DPP6: variants seen among roughly 807,000 people sequenced by gnomAD.
DPP6 encodes the protein dipeptidyl peptidase like 6, also known as A-type potassium channel modulatory protein DPP6.
Under a neutral mutation model 122.6 loss-of-function variants are expected in DPP6, and 69 were observed. The observed-to-expected ratio is 0.56, with a 90% confidence interval of 0.46 to 0.69. The LOEUF (loss-of-function observed/expected upper bound fraction) is 0.69, where lower values mean the gene tolerates loss of function less well. Among genes scored for constraint, DPP6 ranks in the 30% least tolerant of loss-of-function variants. DPP6 has a pLI of 0.00. For missense variants in DPP6, 928 were observed against 1,116.9 expected, an observed-to-expected ratio of 0.83 and a Z score of 2.41; for synonymous variants, 418 against 433.1, an observed-to-expected ratio of 0.97 and a Z score of 0.43.
intron 21 of DPP6, among the ~76,000 whole-genome samples, chr7:154,883,368 A>G (rs1352772530): frequency 4.8e-5 from 7 of 146,476 alleles, no homozygotes; most frequent in Non-Finnish European, 3.0e-5. Flanking sequence ...ATGCTCACAC[A>G]CACGATTACA....
intron 1 of DPP6, among the ~76,000 whole-genome samples, chr7:154,364,673 A>G (rs185611867): frequency 2.7e-4 from 41 of 152,354 alleles, no homozygotes; most frequent in African/African-American, 9.9e-4. Flanking sequence ...GGACAAATGT[A>G]CTAGGATTTG....
At chr7:154,215,586 G>T (rs1799953406) in intron 1 of DPP6, among the ~76,000 whole-genome samples, 1 of 152,168 alleles carries the variant, frequency 6.6e-6, no homozygotes, top group Non-Finnish European at 1.5e-5. Context: ...TCTCCCAGTA[G>T]ATTGATAATG....
intron 1 of DPP6, among the ~76,000 whole-genome samples, chr7:154,183,478 C>G (rs1401593377): frequency 2.6e-5 from 4 of 152,210 alleles, no homozygotes; most frequent in Non-Finnish European, 5.9e-5. Context: ...TCCCTCCTGT[C>G]AAATTCCTGT....
intron 25 of DPP6, among the ~76,000 whole-genome samples, chr7:154,891,490 C>T (rs1212462746): frequency 2.0e-5 from 3 of 152,138 alleles, no homozygotes; most frequent in African/African-American, 4.8e-5. Context: ...ACCTGGAATC[C>T]GAGGCTCAGG....
intron 1 of DPP6, among the ~76,000 whole-genome samples, chr7:153,897,803 T>C (rs1563215674): frequency 6.6e-6 from 1 of 152,224 alleles, no homozygotes; most frequent in East Asian, 1.9e-4. Flanking sequence ...CATACTGTTT[T>C]CCACAGTGGC....
At chr7:154,425,549 G>A (rs1470245636) in intron 1 of DPP6, among the ~76,000 whole-genome samples, 1 of 151,762 alleles carries the variant, frequency 6.6e-6, no homozygotes, top group African/African-American at 2.4e-5. Flanking sequence ...GAGTGTGGTG[G>A]CCTCAGGGGA....
chr7:154,174,932 A>G lies in DPP6; in HGVS notation c.243+121869A>G, dbSNP rs1449878365. On this transcript the variant is annotated intron_variant, in intron 1 of 25. Coordinates refer to ENST00000377770, the MANE Select transcript of DPP6 (RefSeq NM_130797.4). ...CACTCTGTCACCCAGGCTGGAGTACAGTGGCATGATCTCGGATCACTGCAA... is the reference window on the plus strand; with the variant it reads ...CACTCTGTCACCCAGGCTGGAGTACGGTGGCATGATCTCGGATCACTGCAA... 2.7e-5 allele frequency among the ~76,000 whole-genome samples: 4 copies of G among 150,166 alleles called. No homozygotes were observed. In the East Asian group the frequency reaches 5.9e-4, roughly 22 times the overall value.
Position 154,882,668 on chromosome 7 carries a change from C to T in DPP6, c.2133+1726C>T, listed in dbSNP as rs560485082. 6.0e-5 allele frequency among the ~76,000 whole-genome samples: 9 copies of T among 150,990 alleles called. No homozygotes were observed. The South Asian group carries it at 1.3e-3, about 22-fold the overall frequency. ...GCGTTATGTTCTGCAGTTTCCCCCC[C>T]GACACCGAAAATCCCCCCTGCAGAA... On this transcript the variant is annotated intron_variant, in intron 21 of 25. Transcript: ENST00000377770.
chr7:154,363,596 CTCTG>C (rs1432784072), intron 1 of DPP6, among the ~76,000 whole-genome samples: 3 of 152,174 alleles, frequency 2.0e-5, no homozygotes, highest in African/African-American at 2.4e-5. Flanking sequence ...GATTGGTCCC[CTCTG>C]TCTGAGCACG....
rs572376749 is a variant in DPP6, at chr7:154,886,575, T to C, written c.2245+831T>C. Among the ~76,000 whole-genome samples the C allele has an allele frequency of 2.6e-5, 4 of 152,310 alleles. No homozygotes were observed. In the East Asian group the frequency reaches 7.7e-4, roughly 29 times the overall value. ...TTTTCTGTGGCTCCGAGAACTTGAA[T>C]TCAGGTCAGGGCTCCGTGGCAGCCA... On this transcript the variant is annotated intron_variant, in intron 22 of 25. Coordinates refer to ENST00000377770, the MANE Select transcript of DPP6 (RefSeq NM_130797.4).
intron 1 of DPP6, among the ~76,000 whole-genome samples, chr7:153,914,286 G>A (rs1585023464): frequency 1.3e-5 from 2 of 152,174 alleles, no homozygotes; most frequent in East Asian, 1.9e-4. Flanking sequence ...ATGTGGAACT[G>A]TGAGTTCATA....
At chr7:154,849,599 T>C (rs183418819) in intron 16 of DPP6, among the ~76,000 whole-genome samples, 9 of 152,322 alleles carry the variant, frequency 5.9e-5, no homozygotes, top group Non-Finnish European at 1.0e-4. Flanking sequence ...TTACAGAAGA[T>C]CATGTCATCA....
intron 5 of DPP6, among the ~76,000 whole-genome samples, chr7:154,627,555 T>C (rs1785738459): frequency 6.6e-6 from 1 of 152,180 alleles, no homozygotes; most frequent in African/African-American, 2.4e-5. Context: ...TGGTATAAAA[T>C]ATATTGGCAA....
At chr7:154,756,824 C>G (rs114891520) in intron 8 of DPP6, among the ~76,000 whole-genome samples, 2 of 152,064 alleles carry the variant, frequency 1.3e-5, no homozygotes, top group African/African-American at 4.8e-5. Context: ...AATGAAGGCG[C>G]ATTAGGCCCG....
intron 1 of DPP6, among the ~76,000 whole-genome samples, chr7:154,360,534 GTGT>G (rs1439020725): frequency 6.6e-6 from 1 of 152,212 alleles, no homozygotes; most frequent in African/African-American, 2.4e-5. Flanking sequence ...GTGAATGCGT[GTGT>G]TGCTACCTCT....
intron 1 of DPP6, among the ~76,000 whole-genome samples, chr7:154,000,559 T>G (rs1797642888): frequency 6.6e-6 from 1 of 152,190 alleles, no homozygotes; most frequent in South Asian, 2.1e-4. Context: ...AGCTGGCAAG[T>G]TGGCACCAGC....
chr7:154,075,225 C>CCACTATGGAAAACTAGTATAAA (rs1803472162), intron 1 of DPP6, among the ~76,000 whole-genome samples: 1 of 151,732 alleles, frequency 6.6e-6, no homozygotes, highest in Admixed American at 6.6e-5. Flanking sequence ...ACTAGTATAA[C>CCACTATGGAAAACTAGTATAAA]CACTATGGAA....
At chr7:154,679,356 A>G (rs76988817) in intron 7 of DPP6, among the ~76,000 whole-genome samples, 18,675 of 152,162 alleles carry the variant, frequency 0.12, 1,234 homozygotes, top group African/African-American at 0.17. Context: ...CACGCCAGAA[A>G]TTATCCCTTG....
intron 1 of DPP6, among the ~76,000 whole-genome samples, chr7:153,924,410 A>G (rs768688341): frequency 6.6e-6 from 1 of 152,094 alleles, no homozygotes; most frequent in Non-Finnish European, 1.5e-5. Context: ...GCCCGGCCTC[A>G]TTGAGGGTTT....
Sources: gnomAD v4.1 joint callset for allele counts (sites outside exome capture counted in the v4.1 genomes callset) on GRCh38, gnomAD v4.1.1 for gene constraint, MANE v1.5 for transcripts, NCBI Gene and HGNC (gene_info 2026-07-23, HGNC 2026-07-21) for gene names.